The following ANKRD45 variants were observed in gnomAD, a reference collection of about 807,000 sequenced individuals.
ANKRD45 encodes the protein ankyrin repeat domain-containing protein 45.
ANKRD45 carries 21 observed loss-of-function variants against 28.1 expected under a neutral mutation model. The observed-to-expected ratio is 0.75, with a 90% CI of 0.53 to 1.08. ANKRD45 has a LOEUF of 1.08. ANKRD45 is among the 50% of genes least tolerant of loss of function. The pLI, the probability that ANKRD45 is intolerant of heterozygous loss-of-function variation, is 0.00. For missense variants in ANKRD45, 261 were observed against 308.7 expected (o/e 0.85, Z 1.16); for synonymous variants, 86 against 103.9 (o/e 0.83, Z 1.05).
At chr1:173,654,884 G>A (rs1477616791) in intron 2 of ANKRD45, among the ~76,000 whole-genome samples, 3 of 151,888 alleles carry the variant, frequency 2.0e-5, no homozygotes, top group Non-Finnish European at 2.9e-5. Flanking sequence ...CCACTTGATC[G>A]AATTGGCTAC....
In ANKRD45 at chr1:173,622,196, C is replaced by A. The variant is rs141095219; in HGVS notation, c.730+2591G>T. Among the ~76,000 whole-genome samples, 35 of 152,168 alleles carry A rather than the reference C, an allele frequency of 2.3e-4. No individual in the cohort carries two copies. In the East Asian group the frequency reaches 6.6e-3, roughly 29 times the overall value. ...TGGAAAAACATTCCATGCTCATGGACAGGAAGAACTAATATTATGAAATGA... is the reference window on the plus strand; with the variant it reads ...TGGAAAAACATTCCATGCTCATGGAAAGGAAGAACTAATATTATGAAATGA... On this transcript the variant is annotated intron_variant, in intron 5 of 5. Transcript: ENST00000333279.
Position 173,659,389 on chromosome 1 carries a change from C to G in ANKRD45, c.30G>C (p.Glu10Asp), listed in dbSNP as rs200430789. 2.8e-4 allele frequency: 453 copies of G among 1,594,002 alleles called. No homozygotes were observed. Among genetic ancestry groups the G allele is most frequent in the Non-Finnish European group, 3.6e-4 (427 of 1,172,386 alleles). ...CTTGCTGTGAGAAAAATTCTGAACT[C>G]TCTGACTCTGGAGGTCCTTCTGACT... MESEGPPES[E>D]SSEFFSQQEE... is the part of the protein sequence containing the mutation. Residue 10 changes from glutamate (E) to aspartate (D), a missense_variant, in exon 2 of 6, where the codon GAG becomes GAC. By Grantham distance (45) the Glu-to-Asp change is conservative. Coordinates refer to ENST00000333279, the MANE Select transcript of ANKRD45 (RefSeq NM_198493.3).
chr1:173,622,837 C>A (rs1410971873), intron 5 of ANKRD45, among the ~76,000 whole-genome samples: 1 of 152,110 alleles, frequency 6.6e-6, no homozygotes, highest in Non-Finnish European at 1.5e-5. Context: ...AGCTTCTGCA[C>A]AGCAAAAGAG....
At chr1:173,629,793 T>C (rs1353368915) in intron 3 of ANKRD45, among the ~76,000 whole-genome samples, 3 of 152,060 alleles carry the variant, frequency 2.0e-5, no homozygotes, top group African/African-American at 4.8e-5. Flanking sequence ...TAGAGAAATA[T>C]ATCAATATTC....
chr1:173,659,650 A>G (rs978294698), intron 1 of ANKRD45, among the ~76,000 whole-genome samples: 8 of 152,220 alleles, frequency 5.3e-5, no homozygotes, highest in African/African-American at 1.9e-4. Context: ...TATATACTAA[A>G]ATGTTAAATG....
intron 5 of ANKRD45, among the ~76,000 whole-genome samples, chr1:173,612,115 A>G (rs1361460176): frequency 3.3e-5 from 5 of 152,042 alleles, no homozygotes; most frequent in Admixed American, 1.3e-4. Context: ...GTGGTGGCAT[A>G]CCGCTGTACT....
intron 1 of ANKRD45, among the ~76,000 whole-genome samples, chr1:173,659,684 T>A (rs1182977585): frequency 2.6e-5 from 4 of 152,008 alleles, no homozygotes; most frequent in African/African-American, 9.7e-5. Flanking sequence ...ATAAATTCAA[T>A]AGAAACAGGA....
chr1:173,618,575 C>T (rs960947905), intron 5 of ANKRD45, among the ~76,000 whole-genome samples: 1 of 151,760 alleles, frequency 6.6e-6, no homozygotes, highest in Non-Finnish European at 1.5e-5. Flanking sequence ...AATAGGAAGA[C>T]AAGAATACAG....
intron 1 of ANKRD45, among the ~76,000 whole-genome samples, chr1:173,667,415 C>T (rs1420047356): frequency 5.9e-5 from 9 of 152,040 alleles, no homozygotes; most frequent in Non-Finnish European, 1.3e-4. Flanking sequence ...AAGAAACTAC[C>T]ACTTGTGGCC....
intron 1 of ANKRD45, among the ~76,000 whole-genome samples, chr1:173,667,093 G>A (rs1215064660): frequency 6.6e-6 from 1 of 152,116 alleles, no homozygotes; most frequent in Non-Finnish European, 1.5e-5. Flanking sequence ...GTTGGCCAAC[G>A]ACTTCCCAAT....
At chr1:173,627,922 T>C (rs1419657966) in intron 3 of ANKRD45, among the ~76,000 whole-genome samples, 1 of 151,566 alleles carries the variant, frequency 6.6e-6, no homozygotes, top group Non-Finnish European at 1.5e-5. Flanking sequence ...GTCTTGCAAC[T>C]TGGATACCAG....
chr1:173,674,607 G>A (rs1241746296), upstream of ANKRD45, among the ~76,000 whole-genome samples: 2 of 152,130 alleles, frequency 1.3e-5, no homozygotes, highest in African/African-American at 4.8e-5. Flanking sequence ...AGTCTGGAAA[G>A]GTGGGACAAC....
chr1:173,694,493 A>T, the ANKRD45 span, among the ~76,000 whole-genome samples: 1 of 151,502 alleles, frequency 6.6e-6, no homozygotes, highest in Non-Finnish European at 1.5e-5. Flanking sequence ...ACCAGATGGA[A>T]GGTAGTGTTT....
intron 5 of ANKRD45, among the ~76,000 whole-genome samples, chr1:173,620,332 C>A (rs557440406): frequency 6.6e-6 from 1 of 152,318 alleles, no homozygotes; most frequent in African/African-American, 2.4e-5. Flanking sequence ...GGAAATTGAA[C>A]AACCTGCTCC....
intron 2 of ANKRD45, among the ~76,000 whole-genome samples, chr1:173,651,982 A>C (rs1669247042): frequency 6.6e-6 from 1 of 152,186 alleles, no homozygotes; most frequent in African/African-American, 2.4e-5. Flanking sequence ...TTATCAGCTT[A>C]AGGAGATTTG....
chr1:173,670,100 G>GA (rs1670205471), upstream of ANKRD45, among the ~76,000 whole-genome samples: 1 of 152,146 alleles, frequency 6.6e-6, no homozygotes, highest in South Asian at 2.1e-4. Flanking sequence ...GCTTTTAAAC[G>GA]AAAGAATTTT....
chr1:173,616,403 C>T (rs746339941), intron 5 of ANKRD45, among the ~76,000 whole-genome samples: 2 of 151,982 alleles, frequency 1.3e-5, no homozygotes, highest in Non-Finnish European at 2.9e-5. Flanking sequence ...GTTGCCAGGG[C>T]TTGAGGGAGG....
chr1:173,674,338 G>A (rs1670345061), upstream of ANKRD45, among the ~76,000 whole-genome samples: 1 of 151,866 alleles, frequency 6.6e-6, no homozygotes, highest in South Asian at 2.1e-4. Context: ...TTTTGGGATG[G>A]GGATATTTTT....
intron 1 of ANKRD45, among the ~76,000 whole-genome samples, chr1:173,660,936 GT>G (rs1224916157): frequency 6.6e-6 from 1 of 152,134 alleles, no homozygotes; most frequent in African/African-American, 2.4e-5. Context: ...AATGAGTGTT[GT>G]TTTTAACCTA....
Sources: gnomAD v4.1 joint callset for allele counts (sites outside exome capture counted in the v4.1 genomes callset) on GRCh38, gnomAD v4.1.1 for gene constraint, MANE v1.5 for transcripts, NCBI Gene and HGNC (gene_info 2026-07-23, HGNC 2026-07-21) for gene names.